LRMDA: variants seen among roughly 807,000 people sequenced by gnomAD.
LRMDA encodes the protein leucine-rich melanocyte differentiation-associated protein.
In LRMDA, 18 loss-of-function variants were observed where a neutral mutation model predicts 29.8. The ratio of observed to expected loss-of-function variants is 0.60; its 90% CI spans 0.42 to 0.90. The LOEUF is 0.90. LRMDA is among the 40% of genes least tolerant of loss of function. LRMDA has a pLI of 0.00. For missense variants in LRMDA, 273 were observed against 273.9 expected (o/e 1.00, Z 0.02); for synonymous variants, 125 against 109.4 (o/e 1.14, Z -0.89).
intron 5 of LRMDA, among the ~76,000 whole-genome samples, chr10:76,219,770 T>C (rs1003154038): frequency 1.2e-4 from 18 of 152,218 alleles, no homozygotes; most frequent in African/African-American, 2.4e-5. Flanking sequence ...GTGGACCTAA[T>C]AGACATCTAC....
chr10:75,986,314 A>G (rs928377603), intron 2 of LRMDA, among the ~76,000 whole-genome samples: 1 of 152,220 alleles, frequency 6.6e-6, no homozygotes, highest in Non-Finnish European at 1.5e-5. Flanking sequence ...CTCCAGGACT[A>G]AGTTACTCAG....
intron 2 of LRMDA, among the ~76,000 whole-genome samples, chr10:75,946,563 C>T (rs2132415045): frequency 6.6e-6 from 1 of 152,278 alleles, no homozygotes; most frequent in South Asian, 2.1e-4. Context: ...GGTCGCACAA[C>T]CTCTTAGAGG....
intron 2 of LRMDA, among the ~76,000 whole-genome samples, chr10:75,655,550 C>A (rs1193498092): frequency 1.3e-5 from 2 of 152,218 alleles, no homozygotes; most frequent in East Asian, 3.8e-4. Flanking sequence ...TTCAGCCATG[C>A]TGTAGTCTGG....
chr10:76,001,730 T>G (rs1847566467), intron 2 of LRMDA, among the ~76,000 whole-genome samples: 1 of 152,198 alleles, frequency 6.6e-6, no homozygotes, highest in African/African-American at 2.4e-5. Context: ...TATCAAACAT[T>G]TCATTGGCCT....
intron 5 of LRMDA, among the ~76,000 whole-genome samples, chr10:76,310,821 C>T (rs932466548): frequency 6.6e-6 from 1 of 152,168 alleles, no homozygotes. Flanking sequence ...GTCATGCTGG[C>T]ATGCACTCTT....
At chr10:75,680,323 C>T (rs1004887941) in intron 2 of LRMDA, among the ~76,000 whole-genome samples, 5 of 152,122 alleles carry the variant, frequency 3.3e-5, no homozygotes, top group Admixed American at 2.6e-4. Context: ...AGAATGTACA[C>T]GAACCAAATC....
At position 75,947,899 on chromosome 10, in the gene LRMDA, T is replaced by G. The variant is rs186960400; in HGVS notation, c.132-88109T>G. On this transcript the variant is annotated intron_variant, in intron 2 of 6. Transcript: ENST00000611255. ...TCGTTGTTTCAATGTTCTTGCTCGA[T>G]TATTGGATTCTGTAGATAAAGTTCG... 2.0e-5 allele frequency among the ~76,000 whole-genome samples: 3 copies of G among 152,312 alleles called. No homozygotes were observed. The East Asian group carries it at 5.8e-4, about 29-fold the overall frequency.
intron 2 of LRMDA, among the ~76,000 whole-genome samples, chr10:75,531,802 G>A (rs866348788): frequency 5.9e-5 from 9 of 152,004 alleles, no homozygotes; most frequent in South Asian, 2.1e-4. Flanking sequence ...TGCTAGGTGC[G>A]GTGGCTCTTG....
chr10:75,747,072 CT>C (rs1232914108), intron 2 of LRMDA, among the ~76,000 whole-genome samples: 3 of 151,770 alleles, frequency 2.0e-5, no homozygotes, highest in East Asian at 3.9e-4. Flanking sequence ...TTTATTTAAT[CT>C]TTTTTAATAT....
intron 6 of LRMDA, among the ~76,000 whole-genome samples, chr10:76,528,282 A>G (rs1438737812): frequency 6.6e-6 from 1 of 152,164 alleles, no homozygotes; most frequent in Admixed American, 6.5e-5. Context: ...TAGATAAGAA[A>G]GCTAAATAAA....
At chr10:75,949,109 C>T (rs751157535) in intron 2 of LRMDA, among the ~76,000 whole-genome samples, 38 of 151,978 alleles carry the variant, frequency 2.5e-4, no homozygotes, top group Non-Finnish European at 4.9e-4. Flanking sequence ...ATTGCTGCAG[C>T]GTACTAGCAT....
At chr10:75,697,247 T>C (rs1349943811) in intron 2 of LRMDA, among the ~76,000 whole-genome samples, 2 of 152,190 alleles carry the variant, frequency 1.3e-5, no homozygotes, top group Non-Finnish European at 2.9e-5. Context: ...AGAGAATGAT[T>C]TGACTTTCTA....
intron 6 of LRMDA, among the ~76,000 whole-genome samples, chr10:76,400,003 G>A (rs1841831846): frequency 6.6e-6 from 1 of 152,158 alleles, no homozygotes; most frequent in South Asian, 2.1e-4. Flanking sequence ...ATGTGTGGAT[G>A]GGACCTGTGA....
intron 3 of LRMDA, among the ~76,000 whole-genome samples, chr10:76,040,967 C>A (rs1848330545): frequency 6.6e-6 from 1 of 152,198 alleles, no homozygotes; most frequent in South Asian, 2.1e-4. Context: ...AGAGGTGGGA[C>A]TGGAGTTCCC....
chr10:75,451,686 T>A (rs1844463457), intron 2 of LRMDA: 1 of 152,202 alleles, frequency 6.6e-6, no homozygotes, highest in African/African-American at 2.4e-5. Flanking sequence ...AAGTTGCTTT[T>A]GACTTACTAC....
chr10:76,455,023 A>G (rs544094533), intron 6 of LRMDA, among the ~76,000 whole-genome samples: 1 of 152,332 alleles, frequency 6.6e-6, no homozygotes, highest in African/African-American at 2.4e-5. Context: ...CTAGAATGCC[A>G]GAGTCGGAGA....
At chr10:76,054,671 G>A (rs920406763) in intron 4 of LRMDA, among the ~76,000 whole-genome samples, 1 of 151,382 alleles carries the variant, frequency 6.6e-6, no homozygotes, top group African/African-American at 2.4e-5. Flanking sequence ...CTGACATATT[G>A]TTTCTGTCTG....
chr10:75,789,924 A>G (rs1358557595), intron 2 of LRMDA, among the ~76,000 whole-genome samples: 3 of 152,170 alleles, frequency 2.0e-5, no homozygotes, highest in African/African-American at 7.2e-5. Flanking sequence ...ATGGACAATA[A>G]TTGAAGACGT....
intron 2 of LRMDA, among the ~76,000 whole-genome samples, chr10:75,488,931 GAACC>G (rs933794015): frequency 6.6e-6 from 1 of 152,094 alleles, no homozygotes; most frequent in African/African-American, 2.4e-5. Context: ...CCCTTCGTGG[GAACC>G]AACTGAAATT....
Sources: allele counts gnomAD v4.1 joint callset (sites outside exome capture counted in the v4.1 genomes callset), GRCh38; gene constraint gnomAD v4.1.1; transcripts MANE v1.5; gene names NCBI Gene and HGNC (gene_info 2026-07-23, HGNC 2026-07-21).